The following USP8 variants were observed in gnomAD, a reference collection of about 807,000 sequenced individuals.
USP8 encodes ubiquitin carboxyl-terminal hydrolase 8.
USP8 carries 27 observed loss-of-function variants against 130.0 expected under a neutral mutation model. That is an observed-to-expected ratio of 0.21 (90% CI 0.15 to 0.29). The LOEUF is 0.29. USP8 is among the 10% of genes least tolerant of loss of function. USP8 has a pLI of 1.00. For synonymous variants in USP8, 392 were observed against 444.1 expected (o/e 0.88, Z 1.48); for missense variants, 1,029 against 1,312.2 (o/e 0.78, Z 3.33).
At chr15:50,454,026 C>A (rs1251238662) in intron 4 of USP8, among the ~76,000 whole-genome samples, 1 of 151,974 alleles carries the variant, frequency 6.6e-6, no homozygotes, top group African/African-American at 2.4e-5. Flanking sequence ...CCATGCCTGG[C>A]TAATTTTTGT....
Position 50,513,415 on chromosome 15 carries a change from G to T in USP8, c.*14327G>T, listed in dbSNP as rs1302592350. ...TATCTTTAAAATATTTAATGAAAAA[G>T]TATGCTTGGCGCGGTAGCTCACACC... On this transcript the variant is annotated 3_prime_UTR_variant, in exon 20 of 20. Coordinates refer to ENST00000307179, the MANE Select transcript of USP8 (RefSeq NM_005154.5). 6.7e-6 allele frequency: 1 copy of T among 150,194 alleles called. No homozygotes were observed. The highest frequency in any genetic ancestry group is 1.5e-5 in the Non-Finnish European group (1 of 67,670). 9.3% of individuals were successfully genotyped at this position (150,194 alleles called of 1,614,324 possible). A position where few individuals can be genotyped will look rare whatever the true frequency, so the allele number is the denominator to read the frequency against.
intron 14 of USP8, among the ~76,000 whole-genome samples, chr15:50,492,487 T>C (rs1048615736): frequency 6.6e-6 from 1 of 152,138 alleles, no homozygotes; most frequent in Admixed American, 6.5e-5. Flanking sequence ...TAAAGGTATG[T>C]GTTTCATGGG....
intron 1 of USP8, among the ~76,000 whole-genome samples, chr15:50,428,414 G>T (rs1465537217): frequency 1.3e-5 from 2 of 152,184 alleles, no homozygotes; most frequent in Admixed American, 6.5e-5. Flanking sequence ...ACCACGCCGG[G>T]CCTACAATTT....
At chr15:50,431,717 T>C (rs545144334) in intron 1 of USP8, among the ~76,000 whole-genome samples, 18 of 152,252 alleles carry the variant, frequency 1.2e-4, no homozygotes, top group African/African-American at 4.3e-4. Context: ...AGTGCAGTGG[T>C]GCGATCTTGG....
chr15:50,483,699 C>A (rs560752075), intron 11 of USP8, among the ~76,000 whole-genome samples: 41 of 151,544 alleles, frequency 2.7e-4, no homozygotes, highest in Non-Finnish European at 4.9e-4. Flanking sequence ...GAGGCTGAAG[C>A]AGGAGAATCA....
intron 8 of USP8, among the ~76,000 whole-genome samples, chr15:50,473,309 A>C (rs2051443644): frequency 6.6e-6 from 1 of 152,180 alleles, no homozygotes; most frequent in South Asian, 2.1e-4. Context: ...TAAACTACAC[A>C]TATTCTCTCA....
In USP8 at chr15:50,484,006, A is replaced by G. The variant is rs561537315; in HGVS notation, c.1804-269A>G. Among the ~76,000 whole-genome samples, 13 of 152,296 alleles carry G rather than the reference A, an allele frequency of 8.5e-5. No individual in the cohort carries two copies. In the South Asian group the frequency reaches 2.1e-3, roughly 24 times the overall value. On this transcript the variant is annotated intron_variant, in intron 11 of 19. Transcript: ENST00000307179. ...TCATGGTGAATATACATTAATGATCAGCATTTTATACTTGGCCATGTAGTG... is the reference window on the plus strand; with the variant it reads ...TCATGGTGAATATACATTAATGATCGGCATTTTATACTTGGCCATGTAGTG...
chr15:50,446,158 A>G (rs995614927), intron 3 of USP8, among the ~76,000 whole-genome samples: 7 of 152,230 alleles, frequency 4.6e-5, no homozygotes, highest in African/African-American at 1.7e-4. Context: ...AGGAATCAGG[A>G]AAGTTCTGGT....
rs1003441778 is a variant in USP8 at position 50,446,739 on chromosome 15, T to C, written c.250-2661T>C. ...AGCCAAACAAAGCATGATCTACTTTTAGGCTAGATAGACATATGATAACTC... is the reference window on the plus strand; with the variant it reads ...AGCCAAACAAAGCATGATCTACTTTCAGGCTAGATAGACATATGATAACTC... On this transcript the variant is annotated intron_variant, in intron 3 of 19. Coordinates refer to ENST00000307179, the MANE Select transcript of USP8 (RefSeq NM_005154.5). Among the ~76,000 whole-genome samples, 4 of 152,240 alleles carry C rather than the reference T, an allele frequency of 2.6e-5. No individual in the cohort carries two copies. The East Asian group carries it at 7.7e-4, about 29-fold the overall frequency.
chr15:50,457,640 G>A (rs2050834132), intron 4 of USP8, among the ~76,000 whole-genome samples: 1 of 150,734 alleles, frequency 6.6e-6, no homozygotes, highest in Non-Finnish European at 1.5e-5. Context: ...AGGCAGGTGG[G>A]TCACCTGAGG....
chr15:50,489,774 T>A (rs574077364), intron 12 of USP8, 27 bp from the exon 13 acceptor site: 106 of 1,388,312 alleles, frequency 7.6e-5, no homozygotes, highest in South Asian at 4.7e-4. Flanking sequence ...AATTTTTTTT[T>A]AATTTTTTTT....
chr15:50,485,577 T>TTTTTTTTTTTTTTTG (rs2051931772), intron 12 of USP8, among the ~76,000 whole-genome samples: 1 of 140,434 alleles, frequency 7.1e-6, no homozygotes, highest in Non-Finnish European at 1.5e-5. Flanking sequence ...TTTTTTTTTT[T>TTTTTTTTTTTTTTTG]TTTTTTAGTA....
At position 50,502,089 on chromosome 15, in the gene USP8, G is replaced by GA. The variant is rs2052598323; in HGVS notation, c.*3005dup. On this transcript the variant is annotated 3_prime_UTR_variant, in exon 20 of 20. Coordinates refer to ENST00000307179, the MANE Select transcript of USP8 (RefSeq NM_005154.5). ...TTTGCTGACCTCTGCTGTAGAGGAA[G>GA]AAAATTGATTATTTGTTAACTTATT... 1 of 152,140 alleles carries GA rather than the reference G, an allele frequency of 6.6e-6. No homozygotes were observed. Among genetic ancestry groups the GA allele is most frequent in the African/African-American group, 2.4e-5 (1 of 41,424 alleles). 9.4% of individuals were successfully genotyped at this position (152,140 alleles called of 1,614,324 possible).
intron 4 of USP8, among the ~76,000 whole-genome samples, chr15:50,456,745 G>A (rs1244256427): frequency 1.4e-5 from 2 of 144,410 alleles, no homozygotes; most frequent in African/African-American, 2.5e-5. Context: ...AATTAGCTGG[G>A]CACAATGGCA....
chr15:50,481,685 A>G lies in USP8; in HGVS notation c.1423A>G (p.Lys475Glu), dbSNP rs1177380547. 3.1e-6 allele frequency: 5 copies of G among 1,612,294 alleles called. No homozygotes were observed. Among genetic ancestry groups the G allele is most frequent in the East Asian group, 2.2e-5 (1 of 44,862 alleles). ...IHAETALLME[K>E]NKQEKELRER... is the part of the protein sequence containing the mutation. The stretch of plus-strand genomic sequence containing the variant: ...TGCAGAAACTGCTCTTCTAATGGAA[A>G]AAAACAAACAAGAAAAAGAACTTCG... The change falls in exon 11 of 20, where the codon AAA becomes GAA. Residue 475 changes from lysine (K) to glutamate (E), a missense_variant. By Grantham distance (56) the Lys-to-Glu change is moderately conservative. Around this residue, in one of 4 missense-constraint regions of USP8, gnomAD observed 486 missense variants for 522.0 expected, o/e 0.93. Coordinates refer to ENST00000307179, the MANE Select transcript of USP8 (RefSeq NM_005154.5).
Position 50,498,590 on chromosome 15 carries a change from C to G in USP8, c.3039-6C>G. 7 of 1,603,856 alleles carry G rather than the reference C, an allele frequency of 4.4e-6. No individual in the cohort carries two copies. The highest frequency in any genetic ancestry group is 6.0e-6 in the Non-Finnish European group (7 of 1,176,054). ...GTCAGTGTAATTGTAATGTTTTGTT[C>G]TGCAGTTTTTCCTACGATGGCAGGT... On this transcript the variant is annotated splice_region_variant and splice_polypyrimidine_tract_variant and intron_variant, in intron 18 of 19. Transcript: ENST00000307179.
At chr15:50,449,301 T>A in intron 3 of USP8, 99 bp from the exon 4 acceptor site, 1 of 643,930 alleles carries the variant, frequency 1.6e-6, no homozygotes, top group Non-Finnish European at 2.4e-6. Flanking sequence ...TAAAACAAAC[T>A]TCCCTTTATA....
In USP8 at chr15:50,509,438, G is replaced by GA. The variant is rs2052710240; in HGVS notation, c.*10353dup. On this transcript the variant is annotated 3_prime_UTR_variant, in exon 20 of 20. Transcript: ENST00000307179. ...TGAGGCAGGCGGATCACCAGGTCAG[G>GA]AAATTGAGACTATCCTGGCTAACAC... is the stretch of plus-strand genomic sequence containing the variant. The GA allele has an allele frequency of 6.6e-6, 1 of 152,126 alleles. No homozygotes were observed. Among genetic ancestry groups the GA allele is most frequent in the South Asian group, 2.1e-4 (1 of 4,820 alleles). The allele number at this position is 152,126 out of a possible 1,614,324, so 9.4% of individuals were successfully genotyped here. A position where few individuals can be genotyped will look rare whatever the true frequency, so the allele number is the denominator to read the frequency against.
chr15:50,495,401 T>C (rs2052352986), intron 16 of USP8, among the ~76,000 whole-genome samples: 1 of 151,658 alleles, frequency 6.6e-6, no homozygotes, highest in Non-Finnish European at 1.5e-5. Context: ...ATATGTCCAG[T>C]TGTAGCCCTA....
Sources: gnomAD v4.1 joint callset for allele counts (sites outside exome capture counted in the v4.1 genomes callset) on GRCh38, gnomAD v4.1.1 for gene constraint, gnomAD v4.1.1 regional missense constraint, MANE v1.5 for transcripts, NCBI Gene and HGNC (gene_info 2026-07-23, HGNC 2026-07-21) for gene names.